Variants in KIF7 observed in about 807,000 individuals in gnomAD.
KIF7 encodes the protein kinesin-like protein KIF7.
Under a neutral mutation model 135.7 loss-of-function variants are expected in KIF7, and 104 were observed. The observed-to-expected ratio is 0.77, with a 90% CI of 0.65 to 0.90. The LOEUF is 0.90. KIF7 is among the 40% of genes least tolerant of loss of function. The probability of loss-of-function intolerance (pLI) is 0.00; values close to 1 mark genes in which losing one functional copy is unlikely to be tolerated. For missense variants in KIF7, 2,005 were observed against 1,839.1 expected (o/e 1.09, Z -1.65); for synonymous variants, 883 against 809.4 (o/e 1.09, Z -1.54).
intron 17 of KIF7, 48 bp downstream of exon 17, chr15:89,629,327 G>C (rs1358288744): frequency 1.6e-6 from 2 of 1,278,098 alleles, no homozygotes; most frequent in Non-Finnish European, 2.1e-6. Context: ...ATGGGGGTGG[G>C]GGGGATGGAG....
intron 18 of KIF7, 32 bp downstream of exon 18, chr15:89,628,944 A>G (rs1567056855): frequency 1.9e-6 from 3 of 1,613,818 alleles, no homozygotes; most frequent in Non-Finnish European, 2.5e-6. Flanking sequence ...GAAAGGGAAC[A>G]GGTCTGACTT....
chr15:89,619,638 T>G, intron 1 of KIF7: 1 of 1,539,920 alleles, frequency 6.5e-7, no homozygotes, highest in Non-Finnish European at 8.7e-7. Context: ...TTTGCCCGGT[T>G]TTGGACAACA....
intron 2 of KIF7, among the ~76,000 whole-genome samples, chr15:89,617,410 C>A (rs1477549572): frequency 6.6e-6 from 1 of 152,160 alleles, no homozygotes; most frequent in African/African-American, 2.4e-5. Context: ...CTGCTCATTA[C>A]TGTGATAGTC....
At chr15:89,629,270 A>C in intron 17 of KIF7, 105 bp downstream of exon 17, 1 of 794,178 alleles carries the variant, frequency 1.3e-6, no homozygotes, top group Non-Finnish European at 1.6e-6. Flanking sequence ...AGGGGCTGTG[A>C]GTGGCAGGGG....
At chr15:89,636,234 G>A (rs2142006863) in intron 11 of KIF7, among the ~76,000 whole-genome samples, 2 of 151,906 alleles carry the variant, frequency 1.3e-5, no homozygotes, top group East Asian at 3.9e-4. Context: ...ATGCCAAAAT[G>A]TAAAGACCAT....
intron 4 of KIF7, 65 bp from the exon 5 acceptor site, chr15:89,648,839 A>G: frequency 6.8e-7 from 1 of 1,479,780 alleles, no homozygotes; most frequent in Non-Finnish European, 9.0e-7. Flanking sequence ...AGCGGGCCAG[A>G]CCTGGGACCG....
intron 2 of KIF7, among the ~76,000 whole-genome samples, chr15:89,617,503 A>T (rs1963353848): frequency 6.6e-6 from 1 of 152,162 alleles, no homozygotes; most frequent in South Asian, 2.1e-4. Context: ...AAATAAAAGC[A>T]AAACAAAACC....
intron 1 of KIF7, among the ~76,000 whole-genome samples, chr15:89,622,311 C>T (rs140425661): frequency 6.6e-6 from 1 of 152,008 alleles, no homozygotes; most frequent in Non-Finnish European, 1.5e-5. Context: ...GTACCCACCC[C>T]CTCTTCTCCC....
Position 89,633,007 on chromosome 15 carries a change from G to C in KIF7, c.2719-11C>G. On this transcript the variant is annotated splice_polypyrimidine_tract_variant and intron_variant, in intron 13 of 18. Transcript: ENST00000394412. ...CTGCTCCTCAATCTTCTAAGGAAAAGTAGGGAGGGAGGGAGGGAACTCAGG... is the reference window on the plus strand; with the variant it reads ...CTGCTCCTCAATCTTCTAAGGAAAACTAGGGAGGGAGGGAGGGAACTCAGG... 1.0e-6 allele frequency: 1 copy of C among 998,180 alleles called. No homozygotes were observed. The highest frequency in any genetic ancestry group is 1.3e-5 in the South Asian group (1 of 78,178). The allele number at this position is 998,180 out of a possible 1,614,324, so 61.8% of individuals were successfully genotyped here. A position where few individuals can be genotyped will look rare whatever the true frequency, so the allele number is the denominator to read the frequency against.
At chr15:89,661,562 A>G in the KIF7 span, among the ~76,000 whole-genome samples, 1 of 152,104 alleles carries the variant, frequency 6.6e-6, no homozygotes, top group African/African-American at 2.4e-5. Context: ...TATATCCTAG[A>G]TGGGGAGCTG....
intron 10 of KIF7, among the ~76,000 whole-genome samples, chr15:89,643,885 G>GAAAAA: frequency 1.1e-5 from 1 of 91,548 alleles, no homozygotes; most frequent in Non-Finnish European, 2.2e-5. Flanking sequence ...CTCCGTCTCA[G>GAAAAA]AAAAAAAAAA....
rs761599926 is a variant in KIF7 at position 89,647,639 on chromosome 15, A to C, written c.1517T>G (p.Phe506Cys). 2.5e-6 allele frequency: 4 copies of C among 1,611,870 alleles called. No individual in the cohort carries two copies. The highest frequency in any genetic ancestry group is 3.4e-6 in the Non-Finnish European group (4 of 1,179,950). The change falls in exon 6 of 19, where the codon TTT becomes TGT. Residue 506 changes from phenylalanine (F) to cysteine (C), a missense_variant. By Grantham distance (205) the Phe-to-Cys change is radical. Transcript: ENST00000394412. ...CATGGCGTCCTCCAGCGCAGCCAGA[A>C]AGTCTCGGTTCTCCTCCTCCAGCCG... ...VARLEEENRD[F>C]LAALEDAMEQ...
chr15:89,652,950 G>T lies in KIF7; in HGVS notation c.-20C>A. On this transcript the variant is annotated 5_prime_UTR_variant, in exon 2 of 19. Coordinates refer to ENST00000394412, the MANE Select transcript of KIF7 (RefSeq NM_198525.3). The stretch of plus-strand genomic sequence containing the variant: ...CCCCATGCCGAGGGAGGACTGCTCT[G>T]GGCCCTGTGGAGAGAGAGAGAAGCC... 1 of 1,481,222 alleles carries T rather than the reference G, an allele frequency of 6.8e-7. No homozygotes were observed. The highest frequency in any genetic ancestry group is 9.0e-7 in the Non-Finnish European group (1 of 1,113,260). The allele number at this position is 1,481,222 out of a possible 1,614,324, so 91.8% of individuals were successfully genotyped here.
intron 1 of KIF7, among the ~76,000 whole-genome samples, chr15:89,622,880 TTAGGCAGCCCTTCTTTG>T (rs1184874390): frequency 2.0e-5 from 3 of 152,210 alleles, no homozygotes; most frequent in African/African-American, 7.2e-5. Flanking sequence ...CCAGGCTGGG[TTAGGCAGCCCTTCTTTG>T]TGTTCTGTGA....
rs574207718 is a variant in KIF7, at chr15:89,646,694, A to G, written c.1788+136T>C. The G allele has an allele frequency of 1.1e-4, 89 of 815,166 alleles. 4 individuals are homozygous for G. In the South Asian group the frequency reaches 1.3e-3, roughly 12 times the overall value. The allele number at this position is 815,166 out of a possible 1,614,324, so 50.5% of individuals were successfully genotyped here. On this transcript the variant is annotated intron_variant, in intron 7 of 18. Transcript: ENST00000394412. ...TGGCTCTTCCTCTGGGGACAGCTGA[A>G]AGCAGCCTCTCGCATCTCACAGCCA...
chr15:89,620,546 G>C (rs190944732), intron 1 of KIF7, among the ~76,000 whole-genome samples: 1 of 152,214 alleles, frequency 6.6e-6, no homozygotes, highest in African/African-American at 2.4e-5. Flanking sequence ...AAGTAGTTCA[G>C]TTGTCTACAT....
At chr15:89,660,210 A>G (rs1358381139), upstream of KIF7, among the ~76,000 whole-genome samples, 5 of 152,176 alleles carry the variant, frequency 3.3e-5, no homozygotes, top group African/African-American at 1.2e-4. Flanking sequence ...AAAAACATAT[A>G]TATGGAAACA....
downstream of KIF7, chr15:89,626,967 G>A (rs775210281): frequency 1.2e-6 from 2 of 1,613,914 alleles, no homozygotes; most frequent in Non-Finnish European, 8.5e-7. Context: ...TGAGGATGTG[G>A]ATGTTCTTCC....
chr15:89,640,671 G>A (rs985850579), intron 11 of KIF7, among the ~76,000 whole-genome samples: 4 of 151,974 alleles, frequency 2.6e-5, no homozygotes, highest in African/African-American at 9.7e-5. Flanking sequence ...GGCTAGGTGG[G>A]CGAGATCATA....
Sources: gnomAD v4.1 joint callset for allele counts (sites outside exome capture counted in the v4.1 genomes callset) on GRCh38, gnomAD v4.1.1 for gene constraint, MANE v1.5 for transcripts, NCBI Gene and HGNC (gene_info 2026-07-23, HGNC 2026-07-21) for gene names.